The following EXPH5 variants were observed in gnomAD, a reference collection of about 807,000 sequenced individuals.
The protein encoded by EXPH5 is exophilin 5, also known as exophilin-5.
In EXPH5, 42 loss-of-function variants were observed where a neutral mutation model predicts 41.1. The ratio of observed to expected loss-of-function variants is 1.02; its 90% CI spans 0.80 to 1.32. EXPH5 has a LOEUF of 1.32. Among genes scored for constraint, EXPH5 ranks in the 40% most tolerant of loss-of-function variants. EXPH5 has a pLI of 0.00. For missense variants in EXPH5, 2,298 were observed against 2,314.5 expected (o/e 0.99, Z 0.15); for synonymous variants, 798 against 833.5 (o/e 0.96, Z 0.73).
chr11:108,590,360 T>C (rs1295225685), intron 1 of EXPH5, among the ~76,000 whole-genome samples: 1 of 152,250 alleles, frequency 6.6e-6, no homozygotes, highest in Non-Finnish European at 1.5e-5. Context: ...TTTATTTCTA[T>C]CTTTTGCCTA....
rs762176101 is a variant in EXPH5, at chr11:108,514,375, A to T, written c.1132T>A (p.Ser378Thr). ...TCCTGGTTCTCCCTGTCTCTAGAGG[A>T]ATCTGATCTGTTCCATATGATGGAT... ...LSSIIWNRSD[S>T]SRDRENQEEF... Residue 378 changes from serine to threonine, a missense_variant, in exon 6 of 6, where the codon TCC (serine) becomes ACC (threonine). Coordinates refer to ENST00000265843, the MANE Select transcript of EXPH5 (RefSeq NM_015065.3). 9 of 1,614,016 alleles carry T rather than the reference A, an allele frequency of 5.6e-6. No individual in the cohort carries two copies. In the Admixed American group the frequency reaches 1.5e-4, roughly 27 times the overall value.
rs371413086 is a variant in EXPH5 at position 108,554,115 on chromosome 11, G to A, written c.120-12303C>T. 1.3e-3 allele frequency among the ~76,000 whole-genome samples: 198 copies of A among 150,158 alleles called. 1 individual carries two copies. Among genetic ancestry groups the A allele is most frequent in the African/African-American group, 4.6e-3 (188 of 40,806 alleles). On this transcript the variant is annotated intron_variant, in intron 1 of 5. Coordinates refer to ENST00000265843, the MANE Select transcript of EXPH5 (RefSeq NM_015065.3). Reference sequence around the variant, plus strand: ...GTCTTGCTCTGTTGCACAGGCTGGAGTGCAGTGGTGTGATCTCAGCTCACT... The same window carrying A: ...GTCTTGCTCTGTTGCACAGGCTGGAATGCAGTGGTGTGATCTCAGCTCACT...
rs139875857 is a variant in EXPH5, at chr11:108,545,785, C to T, written c.120-3973G>A. ...AGGTGTAGTGGTGTGCTCCTTTAGT[C>T]CCAACTGTTCAGGAGGCTGAGGCAG... On this transcript the variant is annotated intron_variant, in intron 1 of 5. Transcript: ENST00000265843. 6.3e-3 allele frequency among the ~76,000 whole-genome samples: 955 copies of T among 151,974 alleles called. 9 individuals carry two copies. The highest frequency in any genetic ancestry group is 0.021 in the African/African-American group (865 of 41,454).
Position 108,565,961 on chromosome 11 carries a change from G to C in EXPH5, c.120-24149C>G, listed in dbSNP as rs568189661. On this transcript the variant is annotated intron_variant, in intron 1 of 5. Transcript: ENST00000265843. ...GCACTTAGCTAAAGGGTTGAAAAACGCCTTTTCAAGTGAGGAAAAAAAATC... is the reference window on the plus strand; with the variant it reads ...GCACTTAGCTAAAGGGTTGAAAAACCCCTTTTCAAGTGAGGAAAAAAAATC... Among the ~76,000 whole-genome samples the C allele has an allele frequency of 2.6e-5, 4 of 152,284 alleles. No individual in the cohort carries two copies. In the East Asian group the frequency reaches 5.8e-4, roughly 22 times the overall value.
chr11:108,534,380 C>A (rs1471235644), intron 3 of EXPH5, among the ~76,000 whole-genome samples: 1 of 152,100 alleles, frequency 6.6e-6, no homozygotes. Context: ...GGAATGAGTC[C>A]AAGCTCCTTA....
At chr11:108,520,358 C>T (rs11212691) in intron 4 of EXPH5, among the ~76,000 whole-genome samples, 2 of 151,734 alleles carry the variant, frequency 1.3e-5, no homozygotes, top group Non-Finnish European at 2.9e-5. Context: ...GTGCCAAAAA[C>T]GGTGGGGACT....
At chr11:108,532,708 G>A (rs80211118) in intron 3 of EXPH5, among the ~76,000 whole-genome samples, 3 of 152,058 alleles carry the variant, frequency 2.0e-5, no homozygotes, top group Non-Finnish European at 4.4e-5. Context: ...CCTCTCTGCC[G>A]ATGAAAGCCC....
At chr11:108,562,745 G>T (rs1471973979) in intron 1 of EXPH5, among the ~76,000 whole-genome samples, 1 of 152,194 alleles carries the variant, frequency 6.6e-6, no homozygotes, top group African/African-American at 2.4e-5. Context: ...GGAGGATCAA[G>T]TGAGCCCAGG....
At chr11:108,564,564 A>ATTTATGGAGTTTATTT (rs2094026517) in intron 1 of EXPH5, among the ~76,000 whole-genome samples, 2 of 152,196 alleles carry the variant, frequency 1.3e-5, no homozygotes, top group Non-Finnish European at 2.9e-5. Flanking sequence ...TTAGAGTCAT[A>ATTTATGGAGTTTATTT]ATGTTGAAAT....
intron 1 of EXPH5, among the ~76,000 whole-genome samples, chr11:108,574,243 G>C (rs1399107888): frequency 6.6e-6 from 1 of 152,016 alleles, no homozygotes; most frequent in Non-Finnish European, 1.5e-5. Context: ...GCTGGGTGTG[G>C]TGGTGCACGT....
intron 1 of EXPH5, among the ~76,000 whole-genome samples, chr11:108,546,740 C>T (rs1368576594): frequency 6.6e-6 from 1 of 152,070 alleles, no homozygotes; most frequent in Non-Finnish European, 1.5e-5. Context: ...TAATCCAGGA[C>T]ATTGAGATTT....
the EXPH5 span, among the ~76,000 whole-genome samples, chr11:108,604,579 C>A: frequency 1.3e-5 from 2 of 152,214 alleles, no homozygotes; most frequent in South Asian, 2.1e-4. Context: ...GAGGTCTGAG[C>A]CTTACCCCTT....
rs139212859 is a variant in EXPH5, at chr11:108,579,010, A to C, written c.119+14408T>G. On this transcript the variant is annotated intron_variant, in intron 1 of 5. Coordinates refer to ENST00000265843, the MANE Select transcript of EXPH5 (RefSeq NM_015065.3). Reference sequence around the variant, plus strand: ...TGCCCTTTATTTCTTTCTCTTGCCTAATTGCTCTAGCTAGGACTTCCAGTA... The same window carrying C: ...TGCCCTTTATTTCTTTCTCTTGCCTCATTGCTCTAGCTAGGACTTCCAGTA... Among the ~76,000 whole-genome samples the C allele has an allele frequency of 4.7e-3, 714 of 152,216 alleles. 5 individuals are homozygous for C. Among genetic ancestry groups the C allele is most frequent in the African/African-American group, 0.016 (664 of 41,548 alleles).
intron 1 of EXPH5, among the ~76,000 whole-genome samples, chr11:108,577,529 T>C (rs1279509683): frequency 6.6e-6 from 1 of 152,078 alleles, no homozygotes; most frequent in Non-Finnish European, 1.5e-5. Flanking sequence ...GTTCAAGTGA[T>C]TCTCCTGCCT....
chr11:108,516,867 A>G (rs2093730058), intron 5 of EXPH5, among the ~76,000 whole-genome samples: 1 of 152,244 alleles, frequency 6.6e-6, no homozygotes, highest in East Asian at 1.9e-4. Context: ...ACAATAAAAT[A>G]ATCAAGCAAT....
chr11:108,589,052 C>T (rs765283537), intron 1 of EXPH5, among the ~76,000 whole-genome samples: 1 of 152,192 alleles, frequency 6.6e-6, no homozygotes, highest in Non-Finnish European at 1.5e-5. Context: ...CTTGTGACTT[C>T]CAGGCATTGT....
At chr11:108,537,120 T>C (rs953477830) in intron 3 of EXPH5, among the ~76,000 whole-genome samples, 3 of 152,236 alleles carry the variant, frequency 2.0e-5, no homozygotes, top group Admixed American at 6.5e-5. Context: ...CCTGAGATTA[T>C]AGAGCCCTTC....
In EXPH5 at chr11:108,514,361, C is replaced by T. The variant is rs775514918; in HGVS notation, c.1146G>A (p.Arg382=). The change falls in exon 6 of 6, where the codon AGG becomes AGA. Residue 382 remains arginine, a synonymous_variant. Coordinates refer to ENST00000265843, the MANE Select transcript of EXPH5 (RefSeq NM_015065.3). ...CCCTCAGGAACTCTTCCTGGTTCTCCCTGTCTCTAGAGGAATCTGATCTGT... is the reference window on the plus strand; with the variant it reads ...CCCTCAGGAACTCTTCCTGGTTCTCTCTGTCTCTAGAGGAATCTGATCTGT... ...IWNRSDSSRD[R]ENQEEFLRAP... is the part of the protein sequence containing the mutation. The T allele has an allele frequency of 2.5e-6, 4 of 1,613,732 alleles. No individual in the cohort carries two copies. The highest frequency in any genetic ancestry group is 2.7e-5 in the African/African-American group (2 of 75,036).
intron 1 of EXPH5, among the ~76,000 whole-genome samples, chr11:108,552,782 G>A (rs2093972833): frequency 6.6e-6 from 1 of 152,156 alleles, no homozygotes; most frequent in Non-Finnish European, 1.5e-5. Context: ...AGCTGGGCTT[G>A]CTAGTGTGTG....
Sources: gnomAD v4.1 joint callset for allele counts (sites outside exome capture counted in the v4.1 genomes callset) on GRCh38, gnomAD v4.1.1 for gene constraint, MANE v1.5 for transcripts, NCBI Gene and HGNC (gene_info 2026-07-23, HGNC 2026-07-21) for gene names.